Variants in ERBB4 observed in about 807,000 individuals in gnomAD.
ERBB4 encodes receptor tyrosine-protein kinase erbB-4.
In ERBB4, 42 loss-of-function variants were observed where a neutral mutation model predicts 158.0. The ratio of observed to expected loss-of-function variants is 0.27; its 90% CI spans 0.21 to 0.34. The LOEUF (loss-of-function observed/expected upper bound fraction) is 0.34. Ranked by LOEUF, ERBB4 falls within the 10% of genes least tolerant of loss-of-function variation. The pLI is 1.00. For missense variants in ERBB4, 1,333 were observed against 1,624.1 expected, an observed-to-expected ratio of 0.82 and a Z score of 3.08; for synonymous variants, 583 against 558.7, an observed-to-expected ratio of 1.04 and a Z score of -0.61.
At position 212,076,539 on chromosome 2, in the gene ERBB4, A is replaced by T. The variant is rs899636773; in HGVS notation, c.234+48213T>A. On this transcript the variant is annotated intron_variant, in intron 2 of 27. Coordinates refer to ENST00000342788, the MANE Select transcript of ERBB4 (RefSeq NM_005235.3). ...TGTGGTTTAATGAGAGAGAGAGAAA[A>T]GTAAACAAACAACTAGAATATAATG... 5.5e-4 allele frequency among the ~76,000 whole-genome samples: 83 copies of T among 152,112 alleles called. 1 individual carries two copies. The highest frequency in any genetic ancestry group is 2.0e-3 in the African/African-American group (82 of 41,570).
intron 25 of ERBB4, among the ~76,000 whole-genome samples, chr2:211,415,957 T>C (rs1279135396): frequency 6.6e-6 from 1 of 152,230 alleles, no homozygotes; most frequent in Non-Finnish European, 1.5e-5. Context: ...AGTTACATTG[T>C]GATGATAAAT....
At chr2:211,559,415 TA>T (rs1265887984) in intron 20 of ERBB4, among the ~76,000 whole-genome samples, 1 of 152,236 alleles carries the variant, frequency 6.6e-6, no homozygotes, top group Non-Finnish European at 1.5e-5. Context: ...CTATACTGGG[TA>T]ACCATATAAT....
chr2:212,511,357 C>G (rs947935931), intron 1 of ERBB4, among the ~76,000 whole-genome samples: 4 of 152,162 alleles, frequency 2.6e-5, no homozygotes, highest in Admixed American at 2.6e-4. Flanking sequence ...ACCTAAAATT[C>G]AAGTGCAGTG....
chr2:212,154,271 AC>A (rs1212893903), intron 1 of ERBB4, among the ~76,000 whole-genome samples: 3 of 152,164 alleles, frequency 2.0e-5, no homozygotes, highest in African/African-American at 7.2e-5. Context: ...TAAAGGATAT[AC>A]ACATATTTTA....
chr2:212,325,314 A>G (rs540881667), intron 1 of ERBB4, among the ~76,000 whole-genome samples: 2 of 150,680 alleles, frequency 1.3e-5, no homozygotes, highest in East Asian at 3.9e-4. Flanking sequence ...TATGCACTAT[A>G]AATTTTGTCA....
At chr2:212,324,568 G>A (rs1489051435) in intron 1 of ERBB4, among the ~76,000 whole-genome samples, 1 of 148,640 alleles carries the variant, frequency 6.7e-6, no homozygotes, top group African/African-American at 2.4e-5. Context: ...TCTGTTTAGT[G>A]GATCGGTGAA....
At chr2:212,479,690 G>T (rs796192115) in intron 1 of ERBB4, among the ~76,000 whole-genome samples, 14 of 152,254 alleles carry the variant, frequency 9.2e-5, no homozygotes, top group African/African-American at 3.1e-4. Flanking sequence ...CTGCCTGTCT[G>T]GTTGCCCTAC....
intron 1 of ERBB4, among the ~76,000 whole-genome samples, chr2:212,372,225 T>A (rs73056511): frequency 0.025 from 3,778 of 152,222 alleles, 172 homozygotes; most frequent in African/African-American, 0.085. Flanking sequence ...TCTCTCTTTT[T>A]TGTCAACAGT....
rs537545486 is a variant in ERBB4 at position 211,431,037 on chromosome 2, C to G, written c.2551G>C (p.Val851Leu). ...HRDLAARNVL[V>L]KSPNHVKITD... is the part of the protein sequence containing the mutation. ...ATTTTCACATGGTTTGGAGATTTCA[C>G]TAAGACATTACGGGCTGCCAAATCC... is the stretch of plus-strand genomic sequence containing the variant. Residue 851 changes from valine to leucine, a missense_variant, in exon 21 of 28, where the codon GTG becomes CTG. Val to Leu is a conservative substitution (Grantham distance 32). Coordinates refer to ENST00000342788, the MANE Select transcript of ERBB4 (RefSeq NM_005235.3). The G allele has an allele frequency of 6.2e-7, 1 of 1,613,962 alleles. No homozygotes were observed. Among genetic ancestry groups the G allele is most frequent in the Non-Finnish European group, 8.5e-7 (1 of 1,179,836 alleles).
At chr2:211,637,840 C>G (rs926586118) in intron 16 of ERBB4, among the ~76,000 whole-genome samples, 3 of 151,862 alleles carry the variant, frequency 2.0e-5, no homozygotes, top group African/African-American at 7.2e-5. Flanking sequence ...ATTAAACTTT[C>G]ACCTATTGTA....
rs141289964 is a variant in ERBB4 at position 212,183,905 on chromosome 2, T to C, written c.83-59002A>G. Among the ~76,000 whole-genome samples, 1,379 of 152,256 alleles carry C rather than the reference T, an allele frequency of 9.1e-3. 16 individuals carry two copies. Among genetic ancestry groups the C allele is most frequent in the African/African-American group, 0.031 (1,269 of 41,568 alleles). ...AGATTAACTACAAGAGAAAGGTCTA[T>C]TCTTTTTCATTTTGAATTTGTGATT... On this transcript the variant is annotated intron_variant, in intron 1 of 27. Coordinates refer to ENST00000342788, the MANE Select transcript of ERBB4 (RefSeq NM_005235.3).
rs1458706659 is a variant in ERBB4, at chr2:212,151,338, C to T, written c.83-26435G>A. Among the ~76,000 whole-genome samples the T allele has an allele frequency of 1.9e-4, 29 of 150,820 alleles. 1 individual carries two copies. Among genetic ancestry groups the T allele is most frequent in the Admixed American group, 1.9e-3 (29 of 15,100 alleles). On this transcript the variant is annotated intron_variant, in intron 1 of 27. Coordinates refer to ENST00000342788, the MANE Select transcript of ERBB4 (RefSeq NM_005235.3). ...CAATATATAAGTGCTTTGTGTTCTG[C>T]TTTCACACATTTTTGGAGTTACTTT... is the stretch of plus-strand genomic sequence containing the variant.
chr2:212,295,209 C>T (rs763711343), intron 1 of ERBB4, among the ~76,000 whole-genome samples: 3 of 151,984 alleles, frequency 2.0e-5, no homozygotes, highest in Non-Finnish European at 4.4e-5. Flanking sequence ...TAAAATATTG[C>T]TATTTACATA....
chr2:212,097,391 A>G (rs1214803580), intron 2 of ERBB4, among the ~76,000 whole-genome samples: 2 of 152,220 alleles, frequency 1.3e-5, no homozygotes, highest in Non-Finnish European at 2.9e-5. Context: ...GGTAAAGGAT[A>G]CATTGTGAGC....
chr2:212,487,293 A>T (rs192017189), intron 1 of ERBB4, among the ~76,000 whole-genome samples: 5,887 of 151,322 alleles, frequency 0.039, 164 homozygotes, highest in South Asian at 0.1. Context: ...TTTATATACC[A>T]AATAATTTTT....
chr2:211,921,407 T>A (rs1230050409), intron 3 of ERBB4, among the ~76,000 whole-genome samples: 1 of 151,548 alleles, frequency 6.6e-6, no homozygotes, highest in African/African-American at 2.4e-5. Context: ...TTTTTGAGCT[T>A]AAAAAAAATA....
chr2:211,659,055 G>A (rs1248254001), intron 15 of ERBB4, among the ~76,000 whole-genome samples: 2 of 152,050 alleles, frequency 1.3e-5, no homozygotes, highest in African/African-American at 4.8e-5. Flanking sequence ...AGCAGCTTAA[G>A]ATAGGATCAT....
intron 3 of ERBB4, among the ~76,000 whole-genome samples, chr2:211,901,489 C>T (rs970441604): frequency 6.6e-6 from 1 of 152,070 alleles, no homozygotes; most frequent in Non-Finnish European, 1.5e-5. Flanking sequence ...TCCAAATGTC[C>T]TTCTGCAAGC....
At chr2:211,700,215 T>G (rs917347607) in intron 12 of ERBB4, among the ~76,000 whole-genome samples, 5 of 152,138 alleles carry the variant, frequency 3.3e-5, no homozygotes, top group Admixed American at 3.3e-4. Flanking sequence ...ATCATCTACT[T>G]TGGGGCATGT....
Sources: allele counts gnomAD v4.1 joint callset (sites outside exome capture counted in the v4.1 genomes callset), GRCh38; gene constraint gnomAD v4.1.1; transcripts MANE v1.5; gene names NCBI Gene and HGNC (gene_info 2026-07-23, HGNC 2026-07-21).